MAF: variants seen among roughly 807,000 people sequenced by gnomAD.
The protein encoded by MAF is transcription factor Maf.
MAF carries 10 observed loss-of-function variants against 22.0 expected under a neutral mutation model. The ratio of observed to expected loss-of-function variants is 0.45; its 90% CI spans 0.28 to 0.77. The LOEUF is 0.77. Ranked by LOEUF, MAF falls within the 30% of genes least tolerant of loss-of-function variation. MAF has a pLI of 0.12. For missense variants in MAF, 544 were observed against 548.4 expected (o/e 0.99, Z 0.08); for synonymous variants, 337 against 255.8 (o/e 1.32, Z -3.03).
the MAF span, among the ~76,000 whole-genome samples, chr16:79,217,029 C>T: frequency 6.6e-6 from 1 of 152,144 alleles, no homozygotes; most frequent in African/African-American, 2.4e-5. Context: ...AGGCTGGTCT[C>T]GAACTCCTGC....
chr16:79,548,931 T>C, the MAF span, among the ~76,000 whole-genome samples: 2 of 152,192 alleles, frequency 1.3e-5, no homozygotes, highest in Non-Finnish European at 2.9e-5. Context: ...ATTCACTAGC[T>C]AGTTATTCTG....
the MAF span, among the ~76,000 whole-genome samples, chr16:79,523,347 C>G: frequency 6.6e-6 from 1 of 152,182 alleles, no homozygotes; most frequent in African/African-American, 2.4e-5. Context: ...CTACAGAGGA[C>G]TTTTCTGTGT....
At chr16:79,571,177 GAA>G in the MAF span, among the ~76,000 whole-genome samples, 1 of 152,108 alleles carries the variant, frequency 6.6e-6, no homozygotes, top group East Asian at 1.9e-4. Context: ...TCCTTAGAGA[GAA>G]GTACATCTCA....
the MAF span, among the ~76,000 whole-genome samples, chr16:79,257,112 G>C: frequency 6.6e-6 from 1 of 152,128 alleles, no homozygotes; most frequent in Admixed American, 6.5e-5. Context: ...AGGAGATGGA[G>C]GTTGCAGTGA....
At chr16:79,211,241 GAGA>G in the MAF span, among the ~76,000 whole-genome samples, 1 of 152,132 alleles carries the variant, frequency 6.6e-6, no homozygotes, top group Non-Finnish European at 1.5e-5. Context: ...ATTATACATG[GAGA>G]AGTTGAGGGG....
the MAF span, among the ~76,000 whole-genome samples, chr16:79,404,843 G>A: frequency 7.2e-5 from 11 of 152,236 alleles, no homozygotes; most frequent in South Asian, 2.3e-3. Flanking sequence ...GTCCCCAAAT[G>A]TATTTTTTCC....
chr16:79,522,316 G>C, the MAF span, among the ~76,000 whole-genome samples: 3 of 152,160 alleles, frequency 2.0e-5, no homozygotes, highest in Admixed American at 6.5e-5. Flanking sequence ...GCCTATGCAA[G>C]GCAGTTCCTC....
chr16:79,476,198 A>G, the MAF span, among the ~76,000 whole-genome samples: 1 of 152,164 alleles, frequency 6.6e-6, no homozygotes. Context: ...AGCTTAGAAA[A>G]AGACCTGGAG....
chr16:79,319,620 A>G, the MAF span, among the ~76,000 whole-genome samples: 3 of 152,278 alleles, frequency 2.0e-5, no homozygotes, highest in East Asian at 3.9e-4. Flanking sequence ...GATTCTTGGC[A>G]TTTCTCTGAT....
the MAF span, among the ~76,000 whole-genome samples, chr16:79,322,811 C>T: frequency 6.5e-4 from 98 of 151,890 alleles, no homozygotes; most frequent in Non-Finnish European, 1.2e-3. Context: ...GTAGTCAGCT[C>T]ACCGGACCCC....
chr16:79,401,633 C>T, the MAF span, among the ~76,000 whole-genome samples: 4 of 152,100 alleles, frequency 2.6e-5, no homozygotes, highest in African/African-American at 9.7e-5. Context: ...CAGGGTACCA[C>T]TCTCACATTC....
chr16:79,212,242 T>C, the MAF span: 4 of 1,345,514 alleles, frequency 3.0e-6, no homozygotes, highest in Non-Finnish European at 3.9e-6. Flanking sequence ...CTTGCTGCAT[T>C]GATCCAGGAG....
chr16:79,295,552 T>A, the MAF span, among the ~76,000 whole-genome samples: 1 of 152,246 alleles, frequency 6.6e-6, no homozygotes, highest in African/African-American at 2.4e-5. Context: ...CACCTCCACT[T>A]GTTATAGTTC....
chr16:79,424,168 G>A, the MAF span, among the ~76,000 whole-genome samples: 1 of 152,192 alleles, frequency 6.6e-6, no homozygotes, highest in Non-Finnish European at 1.5e-5. Context: ...GCAAGAGCTG[G>A]TCTTGGAAGG....
chr16:79,547,904 G>GACAGAGAGAGAC, the MAF span, among the ~76,000 whole-genome samples: 20 of 135,086 alleles, frequency 1.5e-4, no homozygotes, highest in South Asian at 4.8e-3. Context: ...GTGTGTGTGA[G>GACAGAGAGAGAC]AGAGAGAGAG....
the MAF span, among the ~76,000 whole-genome samples, chr16:79,478,665 C>T: frequency 1.3e-5 from 2 of 152,168 alleles, no homozygotes; most frequent in Non-Finnish European, 2.9e-5. Flanking sequence ...TGTTCCATCC[C>T]AATGCCAAAT....
the MAF span, among the ~76,000 whole-genome samples, chr16:79,428,286 T>A: frequency 2.0e-5 from 3 of 151,972 alleles, no homozygotes; most frequent in Admixed American, 1.3e-4. Flanking sequence ...GCATTGAGCA[T>A]CCCAGGCAAG....
chr16:79,393,599 C>A, the MAF span, among the ~76,000 whole-genome samples: 1 of 152,126 alleles, frequency 6.6e-6, no homozygotes, highest in Non-Finnish European at 1.5e-5. Flanking sequence ...CCAGCTCCAG[C>A]CCCTGGGTGC....
At chr16:79,347,137 C>T in the MAF span, among the ~76,000 whole-genome samples, 1 of 152,188 alleles carries the variant, frequency 6.6e-6, no homozygotes, top group African/African-American at 2.4e-5. Context: ...ACTGGCCAGG[C>T]TATTTCATTT....
Sources: gnomAD v4.1 joint callset for allele counts (sites outside exome capture counted in the v4.1 genomes callset) on GRCh38, gnomAD v4.1.1 for gene constraint, MANE v1.5 for transcripts, NCBI Gene and HGNC (gene_info 2026-07-23, HGNC 2026-07-21) for gene names.